The following ENOX2 variants were observed in gnomAD, a reference collection of about 807,000 sequenced individuals.
ENOX2 encodes ecto-NOX disulfide-thiol exchanger 2, also known as APK1 antigen.
ENOX2 carries 36 observed loss-of-function variants against 45.0 expected under a neutral mutation model. That is an observed-to-expected ratio of 0.80 (90% CI 0.61 to 1.06). ENOX2 has a LOEUF of 1.06. Ranked by LOEUF, ENOX2 falls within the 50% of genes least tolerant of loss-of-function variation. ENOX2 has a pLI of 0.00. For synonymous variants in ENOX2, 174 were observed against 152.3 expected, an observed-to-expected ratio of 1.14 and a Z score of -1.05; for missense variants, 423 against 462.5, an observed-to-expected ratio of 0.91 and a Z score of 0.78.
intron 6 of ENOX2, among the ~76,000 whole-genome samples, chrX:130,678,264 C>T (rs1371146941): frequency 9.0e-6 from 1 of 111,342 alleles, no homozygotes; most frequent in East Asian, 2.8e-4. Context: ...CTGGGTTAGA[C>T]TAATATTACA....
chrX:130,745,402 C>T (rs931460579), intron 3 of ENOX2, among the ~76,000 whole-genome samples: 6 of 111,075 alleles, frequency 5.4e-5, no homozygotes, highest in Non-Finnish European at 1.1e-4. Flanking sequence ...GTCCAATATC[C>T]GGATTCATAT....
At chrX:130,878,298 T>C (rs1349246945) in intron 2 of ENOX2, among the ~76,000 whole-genome samples, 2 of 111,857 alleles carry the variant, frequency 1.8e-5, no homozygotes, top group Admixed American at 9.5e-5. Flanking sequence ...AAAACAATTA[T>C]GTCCTTCTCA....
At chrX:130,862,259 C>T (rs1241499316) in intron 2 of ENOX2, among the ~76,000 whole-genome samples, 1 of 111,124 alleles carries the variant, frequency 9.0e-6, no homozygotes, top group Non-Finnish European at 1.9e-5. Flanking sequence ...AACCCTAGTT[C>T]CTTGAACAAT....
Position 130,783,693 on chromosome X carries a change from A to C in ENOX2, c.-182-3T>G. The C allele has an allele frequency of 3.4e-6, 1 of 295,552 alleles. No homozygotes were observed. Among genetic ancestry groups the C allele is most frequent in the Non-Finnish European group, 6.4e-6 (1 of 156,872 alleles). 24.4% of individuals were successfully genotyped at this position (295,552 alleles called of 1,213,427 possible). ...GTCAAAGGGCAGCTGGTTCAATCCT[A>C]AAGAAGAAAAAGAAAGCCAAAGTCC... is the stretch of plus-strand genomic sequence containing the variant. On this transcript the variant is annotated splice_region_variant and splice_polypyrimidine_tract_variant and intron_variant, in intron 2 of 14. Transcript: ENST00000394363.
intron 3 of ENOX2, among the ~76,000 whole-genome samples, chrX:130,738,489 T>C (rs1273944754): frequency 3.6e-5 from 4 of 112,185 alleles, no homozygotes; most frequent in Admixed American, 1.9e-4. Context: ...ATATTCTGTG[T>C]TATTTTGACT....
intron 3 of ENOX2, chrX:130,709,456 T>C (rs140166802): frequency 0.013 from 5,965 of 469,092 alleles, 35 homozygotes; most frequent in Non-Finnish European, 0.017. Flanking sequence ...CAGGTCAACA[T>C]GGTAAAACCC....
intron 11 of ENOX2, among the ~76,000 whole-genome samples, chrX:130,635,494 A>C (rs2035908514): frequency 8.9e-6 from 1 of 112,367 alleles, no homozygotes; most frequent in Non-Finnish European, 1.9e-5. Context: ...CTGTGAGGAT[A>C]GTAGTAAATA....
At chrX:130,839,988 C>T (rs941646884) in intron 2 of ENOX2, among the ~76,000 whole-genome samples, 3 of 111,473 alleles carry the variant, frequency 2.7e-5, no homozygotes, top group African/African-American at 9.8e-5. Context: ...TGGATAGGCT[C>T]TACTCTTTTT....
chrX:130,792,096 T>C (rs1219873109), intron 2 of ENOX2, among the ~76,000 whole-genome samples: 1 of 112,284 alleles, frequency 8.9e-6, no homozygotes, highest in African/African-American at 3.2e-5. Context: ...ATCATCTCCT[T>C]TGCAGGAACA....
intron 10 of ENOX2, among the ~76,000 whole-genome samples, chrX:130,641,718 C>CA (rs753792308): frequency 0.08 from 2,608 of 32,744 alleles, 29 homozygotes; most frequent in African/African-American, 0.095. Flanking sequence ...ACTCCATCTC[C>CA]AAAAAAAAAA....
intron 4 of ENOX2, among the ~76,000 whole-genome samples, chrX:130,693,077 A>G (rs1481267919): frequency 8.9e-6 from 1 of 112,237 alleles, no homozygotes; most frequent in East Asian, 2.8e-4. Flanking sequence ...CAACCTTGGC[A>G]GAGTGATTAT....
intron 2 of ENOX2, among the ~76,000 whole-genome samples, chrX:130,882,182 G>T (rs932445286): frequency 9.0e-6 from 1 of 110,654 alleles, no homozygotes; most frequent in African/African-American, 3.3e-5. Context: ...AGGCACAGGA[G>T]CTTGAAAATT....
At chrX:130,832,023 C>A (rs1379211629) in intron 2 of ENOX2, among the ~76,000 whole-genome samples, 3 of 110,469 alleles carry the variant, frequency 2.7e-5, no homozygotes, top group African/African-American at 9.9e-5. Flanking sequence ...CTTTTGCCAA[C>A]CTTTAATCAG....
intron 3 of ENOX2, among the ~76,000 whole-genome samples, chrX:130,713,878 C>T (rs775567453): frequency 1.8e-5 from 2 of 110,858 alleles, no homozygotes; most frequent in Non-Finnish European, 1.9e-5. Flanking sequence ...TGGTGTTCAA[C>T]TAGAAATCTT....
chrX:130,742,245 CTTTTTTTT>C (rs67776619), intron 3 of ENOX2, among the ~76,000 whole-genome samples: 3 of 60,171 alleles, frequency 5.0e-5, no homozygotes, highest in Non-Finnish European at 9.1e-5. Flanking sequence ...AGATAATTTC[CTTTTTTTT>C]TTTTTTTTTT....
chrX:130,833,545 C>T (rs967932488), intron 2 of ENOX2, among the ~76,000 whole-genome samples: 3 of 111,212 alleles, frequency 2.7e-5, no homozygotes, highest in African/African-American at 6.6e-5. Context: ...CAGCAACTGC[C>T]ATAGGCTGTC....
Position 130,679,665 on chromosome X carries a change from G to T in ENOX2, c.337C>A (p.Gln113Lys). The T allele has an allele frequency of 8.3e-7, 1 of 1,210,277 alleles. No homozygotes were observed. Among genetic ancestry groups the T allele is most frequent in the Non-Finnish European group, 1.1e-6 (1 of 894,155 alleles). ...TGCTCGAAAACTTCCACAATGATTT[G>T]CTCTGTCCCATTTTCAGGCAGACCA... is the stretch of plus-strand genomic sequence containing the variant. ...VGGLPENGTE[Q>K]IIVEVFEQCG... The change falls in exon 6 of 15, where the codon CAA becomes AAA. Residue 113 changes from glutamine (Q) to lysine (K), a missense_variant. By Grantham distance (53) the Gln-to-Lys change is moderately conservative (BLOSUM62 1). Around this residue, in one of 5 missense-constraint regions of ENOX2, gnomAD observed 261 missense variants for 306.8 expected, o/e 0.85. Coordinates refer to ENST00000394363, the MANE Select transcript of ENOX2 (RefSeq NM_006375.4).
intron 2 of ENOX2, among the ~76,000 whole-genome samples, chrX:130,826,406 A>T (rs1203145325): frequency 8.9e-6 from 1 of 111,870 alleles, no homozygotes; most frequent in Non-Finnish European, 1.9e-5. Flanking sequence ...GCATACCAGG[A>T]TCACATTTAA....
chrX:130,807,452 AC>A (rs2077322744), intron 2 of ENOX2, among the ~76,000 whole-genome samples: 1 of 111,327 alleles, frequency 9.0e-6, no homozygotes, highest in Non-Finnish European at 1.9e-5. Context: ...GTTGGCAGGG[AC>A]CTTGGCAGTC....
Sources: gnomAD v4.1 joint callset for allele counts (sites outside exome capture counted in the v4.1 genomes callset) on GRCh38, gnomAD v4.1.1 for gene constraint, gnomAD v4.1.1 regional missense constraint, MANE v1.5 for transcripts, NCBI Gene and HGNC (gene_info 2026-07-23, HGNC 2026-07-21) for gene names.